Variants in C12orf42 observed in about 807,000 individuals in gnomAD.
The protein encoded by C12orf42 is chromosome 12 open reading frame 42, also known as uncharacterized protein C12orf42.
Under a neutral mutation model 21.6 loss-of-function variants are expected in C12orf42, and 25 were observed. The ratio of observed to expected loss-of-function variants is 1.16; its 90% CI spans 0.84 to 1.62. The LOEUF (loss-of-function observed/expected upper bound fraction) is 1.62. C12orf42 is among the 40% of genes most tolerant of loss of function. The pLI is 0.00. For missense variants in C12orf42, 483 were observed against 459.3 expected, an observed-to-expected ratio of 1.05 and a Z score of -0.47; for synonymous variants, 174 against 175.0, an observed-to-expected ratio of 0.99 and a Z score of 0.05.
At chr12:103,302,622 C>A in intron 5 of C12orf42, 63 bp from the exon 6 acceptor site, 2 of 1,394,636 alleles carry the variant, frequency 1.4e-6, no homozygotes, top group Non-Finnish European at 9.7e-7. Flanking sequence ...CCACACCGCA[C>A]CCCCGCGACA....
intron 2 of C12orf42, among the ~76,000 whole-genome samples, chr12:103,423,692 A>G (rs1245510075): frequency 2.0e-5 from 3 of 152,214 alleles, no homozygotes; most frequent in Non-Finnish European, 4.4e-5. Flanking sequence ...TCACATTTCT[A>G]TGAGGAATGA....
At chr12:103,288,661 G>C (rs185026304) in intron 4 of C12orf42, among the ~76,000 whole-genome samples, 1 of 152,126 alleles carries the variant, frequency 6.6e-6, no homozygotes, top group East Asian at 1.9e-4. Context: ...CACTATGTTA[G>C]ACGTGTAAAA....
At chr12:103,414,634 A>T (rs574486527) in intron 2 of C12orf42, among the ~76,000 whole-genome samples, 2 of 152,146 alleles carry the variant, frequency 1.3e-5, no homozygotes, top group East Asian at 3.9e-4. Flanking sequence ...ATTCCTAGGT[A>T]TATTTCATTT....
chr12:103,301,845 T>C, downstream of C12orf42: 2 of 392,868 alleles, frequency 5.1e-6, no homozygotes, highest in Non-Finnish European at 9.0e-6. Flanking sequence ...TGGCACGCGA[T>C]GTACCCCATC....
chr12:103,291,783 A>G (rs1018967191), intron 4 of C12orf42, among the ~76,000 whole-genome samples: 2 of 152,142 alleles, frequency 1.3e-5, no homozygotes, highest in Non-Finnish European at 2.9e-5. Context: ...GAGAGCAACT[A>G]GAGGTTACCA....
intron 2 of C12orf42, among the ~76,000 whole-genome samples, chr12:103,435,509 T>A (rs1021927391): frequency 6.6e-6 from 1 of 151,948 alleles, no homozygotes; most frequent in East Asian, 1.9e-4. Flanking sequence ...TTGAAAAAAA[T>A]TTAGAATAAT....
intron 2 of C12orf42, among the ~76,000 whole-genome samples, chr12:103,448,332 TAA>T (rs1951710343): frequency 6.6e-6 from 1 of 152,050 alleles, no homozygotes; most frequent in Non-Finnish European, 1.5e-5. Flanking sequence ...CCTGAAACCA[TAA>T]AGATTCTAGA....
chr12:103,513,533 A>T, the C12orf42 span, among the ~76,000 whole-genome samples: 1 of 152,180 alleles, frequency 6.6e-6, no homozygotes, highest in East Asian at 1.9e-4. Context: ...AATACAACCA[A>T]ACTTTATGAT....
intron 3 of C12orf42, among the ~76,000 whole-genome samples, chr12:103,384,239 C>T (rs2374062): frequency 0.64 from 97,945 of 151,856 alleles, 32,045 homozygotes; most frequent in Admixed American, 0.74. Flanking sequence ...TGACTGCTTA[C>T]ATGCTAAGCG....
chr12:103,490,832 T>G (rs1383655644), intron 1 of C12orf42, among the ~76,000 whole-genome samples: 1 of 152,006 alleles, frequency 6.6e-6, no homozygotes, highest in Non-Finnish European at 1.5e-5. Context: ...AGAATTCCCA[T>G]ATGATTATTC....
chr12:103,103,894 A>G, the C12orf42 span, among the ~76,000 whole-genome samples: 1 of 150,808 alleles, frequency 6.6e-6, no homozygotes, highest in African/African-American at 2.4e-5. Flanking sequence ...TCCGCCTCCC[A>G]GGTTCAAGCG....
intron 4 of C12orf42, among the ~76,000 whole-genome samples, chr12:103,294,468 A>AAG (rs2037059001): frequency 7.4e-6 from 1 of 134,244 alleles, no homozygotes; most frequent in Admixed American, 7.1e-5. Context: ...GAAAGAAAGA[A>AAG]AGAAATAAGC....
At chr12:103,388,968 C>T (rs977960473) in intron 3 of C12orf42, among the ~76,000 whole-genome samples, 10 of 152,208 alleles carry the variant, frequency 6.6e-5, no homozygotes, top group Non-Finnish European at 1.5e-4. Context: ...TGGGTATGGG[C>T]TGTGCTTGCT....
At chr12:103,515,463 G>GT in the C12orf42 span, among the ~76,000 whole-genome samples, 1 of 152,170 alleles carries the variant, frequency 6.6e-6, no homozygotes, top group Admixed American at 6.5e-5. Context: ...ATTTGCTTTG[G>GT]GGAGGAAAAT....
At chr12:103,472,242 G>GGGGTTCACTA (rs1215909596) in intron 2 of C12orf42, among the ~76,000 whole-genome samples, 2 of 151,794 alleles carry the variant, frequency 1.3e-5, no homozygotes, top group African/African-American at 4.8e-5. Context: ...TTTCAGTAGA[G>GGGGTTCACTA]ACGGGGTTTC....
intron 4 of C12orf42, among the ~76,000 whole-genome samples, chr12:103,286,111 C>A (rs1310259786): frequency 1.3e-5 from 2 of 151,852 alleles, no homozygotes; most frequent in Admixed American, 6.6e-5. Context: ...ATCAGCTGGG[C>A]GTGGTGGCAG....
intron 4 of C12orf42, among the ~76,000 whole-genome samples, chr12:103,337,499 C>T (rs1040805262): frequency 4.6e-5 from 7 of 152,140 alleles, no homozygotes; most frequent in South Asian, 2.1e-4. Context: ...TACAGGCGCA[C>T]GCCACCCTGT....
chr12:103,393,447 C>T (rs1384998731), intron 3 of C12orf42, among the ~76,000 whole-genome samples: 1 of 152,154 alleles, frequency 6.6e-6, no homozygotes, highest in East Asian at 1.9e-4. Flanking sequence ...TCCCACCAGT[C>T]CCCAACTCCA....
At chr12:103,252,953 T>C in intron 10 of C12orf42, among the ~76,000 whole-genome samples, 1 of 152,222 alleles carries the variant, frequency 6.6e-6, no homozygotes, top group Admixed American at 6.5e-5. Flanking sequence ...TACGTTTAAG[T>C]CTTTAATCCA....
Sources: allele counts gnomAD v4.1 joint callset (sites outside exome capture counted in the v4.1 genomes callset), GRCh38; gene constraint gnomAD v4.1.1; transcripts MANE v1.5; gene names NCBI Gene and HGNC (gene_info 2026-07-23, HGNC 2026-07-21).